The following CDH13 variants were observed in gnomAD, a reference collection of about 807,000 sequenced individuals.
CDH13 encodes the protein cadherin 13.
In CDH13, 24 loss-of-function variants were observed where a neutral mutation model predicts 63.8. That is an observed-to-expected ratio of 0.38 (90% confidence interval 0.27 to 0.53). CDH13 has a LOEUF of 0.53. Among genes scored for constraint, CDH13 ranks in the 20% least tolerant of loss-of-function variants. The pLI is 0.85. For missense variants in CDH13, 1,049 were observed against 903.1 expected (o/e 1.16, Z -2.07); for synonymous variants, 503 against 355.3 (o/e 1.42, Z -4.67).
intron 3 of CDH13, among the ~76,000 whole-genome samples, chr16:83,081,984 G>GT (rs2033286146): frequency 6.6e-6 from 1 of 151,994 alleles, no homozygotes; most frequent in Admixed American, 6.6e-5. Flanking sequence ...ATTTTTAGTA[G>GT]AGACGGGGTT....
chr16:82,805,393 C>G (rs2037090371), intron 1 of CDH13, among the ~76,000 whole-genome samples: 1 of 152,200 alleles, frequency 6.6e-6, no homozygotes, highest in Non-Finnish European at 1.5e-5. Flanking sequence ...CAGTCCTTGT[C>G]TTATCTCAGC....
intron 1 of CDH13, among the ~76,000 whole-genome samples, chr16:82,792,996 T>C (rs1344296665): frequency 6.6e-6 from 1 of 152,236 alleles, no homozygotes; most frequent in Non-Finnish European, 1.5e-5. Context: ...GGGGTGACGT[T>C]CTGGCCAGGA....
In CDH13 at chr16:82,947,213, T is replaced by C. The variant is rs550087542; in HGVS notation, c.158-84797T>C. On this transcript the variant is annotated intron_variant, in intron 2 of 13. Coordinates refer to ENST00000567109, the MANE Select transcript of CDH13 (RefSeq NM_001257.5). Reference sequence around the variant, plus strand: ...GTAGGTGGTTATTCCTACTACCTGCTTGGATGTCAAATGCATCAGTTGGCA... The same window carrying C: ...GTAGGTGGTTATTCCTACTACCTGCCTGGATGTCAAATGCATCAGTTGGCA... 7.2e-5 allele frequency among the ~76,000 whole-genome samples: 11 copies of C among 152,300 alleles called. No individual in the cohort carries two copies. The South Asian group carries it at 1.9e-3, about 26-fold the overall frequency.
intron 1 of CDH13, among the ~76,000 whole-genome samples, chr16:82,657,688 T>G (rs183187845): frequency 6.6e-6 from 1 of 152,152 alleles, no homozygotes; most frequent in Non-Finnish European, 1.5e-5. Context: ...TTGGGGAGGG[T>G]AATGTAAATT....
intron 7 of CDH13, among the ~76,000 whole-genome samples, chr16:83,548,220 C>G (rs2075425117): frequency 6.6e-6 from 1 of 152,100 alleles, no homozygotes; most frequent in Admixed American, 6.5e-5. Flanking sequence ...GAGGCAAACT[C>G]AACAGGCCTT....
intron 8 of CDH13, among the ~76,000 whole-genome samples, chr16:83,629,346 A>G (rs1211912901): frequency 6.6e-6 from 1 of 152,222 alleles, no homozygotes; most frequent in East Asian, 1.9e-4. Flanking sequence ...TAGCCAAGAA[A>G]AATTACATTT....
chr16:83,217,925 A>G (rs2039589042), intron 5 of CDH13, among the ~76,000 whole-genome samples: 1 of 152,334 alleles, frequency 6.6e-6, no homozygotes, highest in East Asian at 1.9e-4. Context: ...TAGTTAAATT[A>G]TGGCAGATTT....
intron 4 of CDH13, among the ~76,000 whole-genome samples, chr16:83,146,209 A>AAC (rs1371468433): frequency 6.7e-6 from 1 of 149,636 alleles, no homozygotes; most frequent in Non-Finnish European, 1.5e-5. Flanking sequence ...AAAAAAAAAA[A>AAC]AGAAAAGAAA....
chr16:83,676,124 C>T (rs1440020104), intron 9 of CDH13, among the ~76,000 whole-genome samples: 1 of 152,188 alleles, frequency 6.6e-6, no homozygotes, highest in East Asian at 1.9e-4. Flanking sequence ...AAAAAACAAC[C>T]AGTTGTCCCC....
chr16:82,858,125 G>A (rs1046845988), intron 1 of CDH13, among the ~76,000 whole-genome samples: 5 of 152,162 alleles, frequency 3.3e-5, no homozygotes, highest in African/African-American at 1.2e-4. Context: ...ATCTGACGAA[G>A]TTATTTCTTT....
chr16:82,736,876 A>G (rs1228518714), intron 1 of CDH13, among the ~76,000 whole-genome samples: 5 of 150,816 alleles, frequency 3.3e-5, no homozygotes, highest in South Asian at 4.2e-4. Context: ...GTCTTCCTCA[A>G]TCCTTTCATT....
chr16:83,732,360 G>A (rs941285772), intron 10 of CDH13, among the ~76,000 whole-genome samples: 11 of 152,208 alleles, frequency 7.2e-5, no homozygotes, highest in African/African-American at 2.2e-4. Flanking sequence ...AACAGCTAAT[G>A]CAAAGGCTGG....
chr16:82,647,690 C>G (rs1910259100), intron 1 of CDH13, among the ~76,000 whole-genome samples: 1 of 152,176 alleles, frequency 6.6e-6, no homozygotes, highest in Non-Finnish European at 1.5e-5. Context: ...ACTACTCCAG[C>G]CTCAGAGAAA....
chr16:83,419,134 T>G (rs1435289503), intron 6 of CDH13, among the ~76,000 whole-genome samples: 1 of 152,088 alleles, frequency 6.6e-6, no homozygotes, highest in Non-Finnish European at 1.5e-5. Flanking sequence ...CAGCTGTCGT[T>G]TTGTGATGCT....
intron 1 of CDH13, among the ~76,000 whole-genome samples, chr16:82,684,982 G>A (rs1346654211): frequency 7.7e-6 from 1 of 130,090 alleles, no homozygotes; most frequent in Admixed American, 7.8e-5. Flanking sequence ...CTTGGAGCTG[G>A]GAAATTTAGC....
intron 1 of CDH13, among the ~76,000 whole-genome samples, chr16:82,814,600 C>T (rs2037610744): frequency 6.6e-6 from 1 of 152,168 alleles, no homozygotes; most frequent in Admixed American, 6.5e-5. Context: ...TACCTTTCCA[C>T]ATACCTTTCC....
At chr16:83,074,124 C>T (rs915188330) in intron 3 of CDH13, among the ~76,000 whole-genome samples, 1 of 152,152 alleles carries the variant, frequency 6.6e-6, no homozygotes, top group Admixed American at 6.5e-5. Flanking sequence ...TAACTAATTT[C>T]TCTTCACTTA....
chr16:83,353,787 G>A (rs2091003807), intron 6 of CDH13, among the ~76,000 whole-genome samples: 2 of 152,112 alleles, frequency 1.3e-5, no homozygotes, highest in Non-Finnish European at 2.9e-5. Flanking sequence ...TTAGACCTTT[G>A]TATTCTGGGT....
chr16:83,257,412 GTTTCCTC>G lies in CDH13; in HGVS notation c.636+39924_636+39930del, dbSNP rs371052266. Among the ~76,000 whole-genome samples, 956 of 152,222 alleles carry G rather than the reference GTTTCCTC, an allele frequency of 6.3e-3. 5 individuals are homozygous for G. The highest frequency in any genetic ancestry group is 0.021 in the African/African-American group (891 of 41,538). On this transcript the variant is annotated intron_variant, in intron 5 of 13. Coordinates refer to ENST00000567109, the MANE Select transcript of CDH13 (RefSeq NM_001257.5). ...CCAAAGGCCAAAGTTCATGGATGAG[GTTTCCTC>G]TTTCCTCTCCGCTCAGCTTTTAGGT...
Sources: allele counts gnomAD v4.1 joint callset (sites outside exome capture counted in the v4.1 genomes callset), GRCh38; gene constraint gnomAD v4.1.1; transcripts MANE v1.5; gene names NCBI Gene and HGNC (gene_info 2026-07-23, HGNC 2026-07-21).